Variants in SLC17A8 observed in about 807,000 individuals in gnomAD.
SLC17A8 encodes vesicular glutamate transporter 3.
In SLC17A8, 31 loss-of-function variants were observed where a neutral mutation model predicts 58.0. That is an observed-to-expected ratio of 0.53 (90% confidence interval 0.40 to 0.72). The LOEUF (loss-of-function observed/expected upper bound fraction) is 0.72, where lower values mean the gene tolerates loss of function less well. Ranked by LOEUF, SLC17A8 falls within the 30% of genes least tolerant of loss-of-function variation. The pLI, the probability that SLC17A8 is intolerant of heterozygous loss-of-function variation, is 0.00. For missense variants in SLC17A8, 655 were observed against 727.8 expected, an observed-to-expected ratio of 0.90 and a Z score of 1.15; for synonymous variants, 228 against 249.0, an observed-to-expected ratio of 0.92 and a Z score of 0.79.
At chr12:100,416,521 T>C (rs757821854) in intron 10 of SLC17A8, among the ~76,000 whole-genome samples, 2 of 151,722 alleles carry the variant, frequency 1.3e-5, no homozygotes, top group African/African-American at 2.4e-5. Flanking sequence ...AAAAAATGTT[T>C]TAAGTCCTAT....
intron 9 of SLC17A8, among the ~76,000 whole-genome samples, chr12:100,410,134 C>T (rs1952856201): frequency 6.6e-6 from 1 of 151,940 alleles, no homozygotes. Context: ...CCAAGGCAGG[C>T]AGATCACCTG....
intron 9 of SLC17A8, among the ~76,000 whole-genome samples, chr12:100,411,378 G>C (rs1952866536): frequency 6.6e-6 from 1 of 152,218 alleles, no homozygotes; most frequent in Non-Finnish European, 1.5e-5. Context: ...TACTTGGGAG[G>C]CTGAGGCAGG....
chr12:100,399,548 G>T (rs116891884), intron 5 of SLC17A8, among the ~76,000 whole-genome samples: 1 of 152,206 alleles, frequency 6.6e-6, no homozygotes, highest in Non-Finnish European at 1.5e-5. Context: ...CACGGCAGGA[G>T]GCAAAAGGGG....
chr12:100,402,865 C>G (rs1262911713), intron 8 of SLC17A8, 120 bp downstream of exon 8: 1 of 1,023,338 alleles, frequency 9.8e-7, no homozygotes, highest in Admixed American at 2.6e-5. Flanking sequence ...TCTGTGACAC[C>G]TAATAGCCTG....
At chr12:100,381,495 C>A (rs1952637304) in intron 2 of SLC17A8, among the ~76,000 whole-genome samples, 1 of 150,948 alleles carries the variant, frequency 6.6e-6, no homozygotes, top group South Asian at 2.1e-4. Flanking sequence ...CTGGACCAGG[C>A]AAAGAGGGTG....
chr12:100,363,258 G>A (rs1459463399), intron 1 of SLC17A8, among the ~76,000 whole-genome samples: 1 of 152,176 alleles, frequency 6.6e-6, no homozygotes, highest in Non-Finnish European at 1.5e-5. Flanking sequence ...TATTCCTCAG[G>A]TGGGTTACTG....
At chr12:100,378,695 G>C (rs1443544996) in intron 1 of SLC17A8, among the ~76,000 whole-genome samples, 1 of 152,102 alleles carries the variant, frequency 6.6e-6, no homozygotes, top group East Asian at 1.9e-4. Flanking sequence ...CAGGGAAAGG[G>C]GCTGGACTTA....
At chr12:100,408,092 T>G (rs1413591185) in intron 9 of SLC17A8, among the ~76,000 whole-genome samples, 5 of 152,246 alleles carry the variant, frequency 3.3e-5, no homozygotes, top group Non-Finnish European at 7.3e-5. Flanking sequence ...GATGAAGCAC[T>G]GGTATGATCT....
At position 100,412,895 on chromosome 12, in the gene SLC17A8, G is replaced by T; in HGVS notation, c.1297+15G>T. On this transcript the variant is annotated intron_variant, in intron 10 of 11. Transcript: ENST00000323346. The stretch of plus-strand genomic sequence containing the variant: ...CGCTATTTCAGGTAATGTGTCCTTT[G>T]GGTTTCCAGATCTTGACTATAGATT... 6.3e-7 allele frequency: 1 copy of T among 1,583,374 alleles called. No individual in the cohort carries two copies.
At chr12:100,417,661 G>T (rs895058499) in intron 10 of SLC17A8, among the ~76,000 whole-genome samples, 3 of 152,162 alleles carry the variant, frequency 2.0e-5, no homozygotes, top group Non-Finnish European at 4.4e-5. Context: ...ATAAAGCAAG[G>T]TTTGGTCTAG....
intron 1 of SLC17A8, among the ~76,000 whole-genome samples, chr12:100,364,958 G>A (rs1399426080): frequency 1.3e-5 from 2 of 152,126 alleles, no homozygotes; most frequent in African/African-American, 4.8e-5. Context: ...ACCAGCTCTG[G>A]ACCAAACTAA....
chr12:100,379,445 A>AAAG (rs1952617665), intron 1 of SLC17A8, among the ~76,000 whole-genome samples: 1 of 151,552 alleles, frequency 6.6e-6, no homozygotes, highest in Admixed American at 6.6e-5. Context: ...CAAAAAAAAA[A>AAAG]AAAAAAGAAC....
chr12:100,402,400 C>A lies in SLC17A8; in HGVS notation c.824C>A (p.Ala275Asp). The A allele has an allele frequency of 6.2e-7, 1 of 1,614,050 alleles. No homozygotes were observed. Among genetic ancestry groups the A allele is most frequent in the East Asian group, 2.2e-5 (1 of 44,870 alleles). Residue 275 changes from alanine (A) to aspartate (D), a missense_variant, in exon 7 of 12, where the codon GCT (alanine) becomes GAT (aspartate). Ala to Asp is a moderately radical substitution (Grantham distance 126, BLOSUM62 -2). Transcript: ENST00000323346. ...WLLQAYECPA[A>D]HPTISNEEKT... ...TTGCAGGCCTATGAGTGCCCAGCAG[C>A]TCATCCAACAATATCCAATGAGGAG...
intron 11 of SLC17A8, among the ~76,000 whole-genome samples, chr12:100,418,468 G>A (rs187566277): frequency 1.3e-5 from 2 of 152,184 alleles, no homozygotes; most frequent in African/African-American, 4.8e-5. Context: ...TGGGATAAAT[G>A]AGTTACTGAA....
At chr12:100,415,880 G>T (rs887929521) in intron 10 of SLC17A8, among the ~76,000 whole-genome samples, 1 of 152,172 alleles carries the variant, frequency 6.6e-6, no homozygotes, top group Non-Finnish European at 1.5e-5. Context: ...AAGGTCTGTT[G>T]GTCCCAGCAA....
In SLC17A8 at chr12:100,421,662, T is replaced by G. The variant is rs919974792; in HGVS notation, c.*1503T>G. ...TGTAGCTTATTATTGTAAAGTGTTTTTTTTTTTTTTTTTTTTTTCTAATTT... is the reference window on the plus strand; with the variant it reads ...TGTAGCTTATTATTGTAAAGTGTTTGTTTTTTTTTTTTTTTTTTCTAATTT... On this transcript the variant is annotated 3_prime_UTR_variant, in exon 12 of 12. Coordinates refer to ENST00000323346, the MANE Select transcript of SLC17A8 (RefSeq NM_139319.3). 1.2e-4 allele frequency: 10 copies of G among 82,304 alleles called. No individual in the cohort carries two copies. Among genetic ancestry groups the G allele is most frequent in the African/African-American group, 2.3e-4 (8 of 34,806 alleles). The allele number at this position is 82,304 out of a possible 1,614,324, so 5.1% of individuals were successfully genotyped here.
chr12:100,359,306 A>C (rs1952468335), intron 1 of SLC17A8, among the ~76,000 whole-genome samples: 1 of 152,094 alleles, frequency 6.6e-6, no homozygotes, highest in South Asian at 2.1e-4. Flanking sequence ...TGCTTTTTTC[A>C]ATAGGAATTA....
At chr12:100,361,933 C>T (rs548113109) in intron 1 of SLC17A8, among the ~76,000 whole-genome samples, 1 of 152,164 alleles carries the variant, frequency 6.6e-6, no homozygotes, top group East Asian at 1.9e-4. Flanking sequence ...TGCACTCCAG[C>T]CTGGACGACA....
At chr12:100,396,617 G>T (rs1262775129) in intron 5 of SLC17A8, among the ~76,000 whole-genome samples, 200 bp downstream of exon 5, 1 of 151,848 alleles carries the variant, frequency 6.6e-6, no homozygotes, top group Non-Finnish European at 1.5e-5. Context: ...GAGCATGGAG[G>T]TGTGTGCCTG....
Sources: gnomAD v4.1 joint callset for allele counts (sites outside exome capture counted in the v4.1 genomes callset) on GRCh38, gnomAD v4.1.1 for gene constraint, MANE v1.5 for transcripts, NCBI Gene and HGNC (gene_info 2026-07-23, HGNC 2026-07-21) for gene names.